The following ZNF425 variants were observed in gnomAD, a reference collection of about 807,000 sequenced individuals.
The protein encoded by ZNF425 is zinc finger protein 425.
In ZNF425, 21 loss-of-function variants were observed where a neutral mutation model predicts 17.0. That is an observed-to-expected ratio of 1.23 (90% CI 0.88 to 1.78). The LOEUF is 1.78. ZNF425 is among the 40% of genes most tolerant of loss of function. The pLI is 0.00. For synonymous variants in ZNF425, 433 were observed against 384.1 expected (o/e 1.13, Z -1.49); for missense variants, 868 against 967.3 (o/e 0.90, Z 1.36).
chr7:149,103,554 C>G lies in ZNF425; in HGVS notation c.*58G>C. 1 of 1,521,366 alleles carries G rather than the reference C, an allele frequency of 6.6e-7. No individual in the cohort carries two copies. Among genetic ancestry groups the G allele is most frequent in the Non-Finnish European group, 8.8e-7 (1 of 1,140,058 alleles). 94.2% of individuals were successfully genotyped at this position (1,521,366 alleles called of 1,614,324 possible). ...ATCCTTCAACCTGCCTCAACTTGAG[C>G]CAACAGAGCTGCTGGCACCTCCTGA... On this transcript the variant is annotated 3_prime_UTR_variant, in exon 4 of 4. Transcript: ENST00000378061.
At chr7:149,122,591 C>T (rs77163786) in intron 1 of ZNF425, among the ~76,000 whole-genome samples, 1 of 152,148 alleles carries the variant, frequency 6.6e-6, no homozygotes, top group Non-Finnish European at 1.5e-5. Flanking sequence ...TGGTGGTACA[C>T]CACCAGGGAC....
At chr7:149,112,915 T>C (rs1826197798) in intron 2 of ZNF425, among the ~76,000 whole-genome samples, 1 of 151,494 alleles carries the variant, frequency 6.6e-6, no homozygotes, top group South Asian at 2.1e-4. Context: ...TCTGCCTGCG[T>C]CGGCCTCCCA....
chr7:149,126,184 G>A lies in ZNF425; in HGVS notation c.18+12C>T, dbSNP rs1037092513. The A allele has an allele frequency of 2.5e-6, 4 of 1,613,220 alleles. No individual in the cohort carries two copies. Among genetic ancestry groups the A allele is most frequent in the Admixed American group, 1.7e-5 (1 of 59,964 alleles). The stretch of plus-strand genomic sequence containing the variant: ...TTCGACAGAGCCTGCATCCTCCACC[G>A]GCCCTTCTTACCGAAGCCGGCTCGG... On this transcript the variant is annotated intron_variant, in intron 1 of 3. Transcript: ENST00000378061.
chr7:149,104,593 CTT>C lies in ZNF425; in HGVS notation c.1276_1277del (p.Lys426GlufsTer160), dbSNP rs1372834988. 7.4e-6 allele frequency: 12 copies of C among 1,614,028 alleles called. No individual in the cohort carries two copies. Among genetic ancestry groups the C allele is most frequent in the African/African-American group, 1.3e-5 (1 of 74,940 alleles). ...CPECNKSFRL[K>X]RSLKAHGLQH... ...GCAGCCCGTGGGCTTTCAGGCTTCTCTTGAGGCGGAAACTTTTGTTACACTCG... is the reference window on the plus strand; with the variant it reads ...GCAGCCCGTGGGCTTTCAGGCTTCTCGAGGCGGAAACTTTTGTTACACTCG... On this transcript the variant is annotated frameshift_variant, in exon 4 of 4. Transcript: ENST00000378061. LOFTEE classifies it low-confidence loss of function (END_TRUNC). This position sits in a 1 kb window ranked among gnomAD's most constrained non-coding sequence, Gnocchi z 4.3.
intron 2 of ZNF425, 121 bp downstream of exon 2, chr7:149,118,101 A>ACATTATG: frequency 9.5e-7 from 1 of 1,048,398 alleles, no homozygotes; most frequent in Non-Finnish European, 1.4e-6. Flanking sequence ...AAGGGAGGAG[A>ACATTATG]CATTATGAAT....
chr7:149,104,395 G>C lies in ZNF425; in HGVS notation c.1476C>G (p.His492Gln). The part of the protein sequence containing the change: ...PSKLACHTRV[H>Q]DRQKEFPCGE... ...CGCAGGGAAACTCCTTCTGCCTGTC[G>C]TGGACTCTGGTGTGGCAGGCGAGCT... The change falls in exon 4 of 4, where the codon CAC (histidine) becomes CAG (glutamine). Residue 492 changes from histidine (H) to glutamine (Q), a missense_variant. This residue lies in a region of ZNF425 where 437 missense variants were observed against 444.2 expected (regional missense o/e 0.98). Coordinates refer to ENST00000378061, the MANE Select transcript of ZNF425 (RefSeq NM_001001661.3). This position sits in a 1 kb window ranked among gnomAD's most constrained non-coding sequence, Gnocchi z 4.3. 3 of 1,607,424 alleles carry C rather than the reference G, an allele frequency of 1.9e-6. No homozygotes were observed. The highest frequency in any genetic ancestry group is 2.5e-6 in the Non-Finnish European group (3 of 1,176,832).
intron 2 of ZNF425, among the ~76,000 whole-genome samples, chr7:149,117,558 C>T (rs933161907): frequency 1.4e-5 from 2 of 142,338 alleles, no homozygotes; most frequent in Admixed American, 7.2e-5. Context: ...GCAGGCAACA[C>T]AATAAGGAGG....
Position 149,104,273 on chromosome 7 carries a change from C to A in ZNF425, c.1598G>T (p.Arg533Leu), listed in dbSNP as rs775897351. ...GAGATGCGCGCGTCGGCGGAAACTG[C>A]GGCCGCACTCGGCGCAGGAGAACGG... Reference protein sequence around the residue: ...EKPFSCAECGRSFRRRAHLTE... With the variant: ...EKPFSCAECGLSFRRRAHLTE... Residue 533 changes from arginine to leucine, a missense_variant, in exon 4 of 4, where the codon CGC becomes CTC. Coordinates refer to ENST00000378061, the MANE Select transcript of ZNF425 (RefSeq NM_001001661.3). This position sits in a 1 kb window ranked among gnomAD's most constrained non-coding sequence, Gnocchi z 4.3. 1 of 1,613,528 alleles carries A rather than the reference C, an allele frequency of 6.2e-7. No homozygotes were observed. The highest frequency in any genetic ancestry group is 8.5e-7 in the Non-Finnish European group (1 of 1,179,860).
intron 3 of ZNF425, among the ~76,000 whole-genome samples, chr7:149,107,343 TTA>T (rs1826097211): frequency 2.8e-5 from 4 of 145,006 alleles, no homozygotes; most frequent in African/African-American, 7.7e-5. Context: ...ATTTATTTAT[TTA>T]TTTTTTTTCT....
At chr7:149,107,454 C>T (rs1826100389) in intron 3 of ZNF425, among the ~76,000 whole-genome samples, 1 of 151,836 alleles carries the variant, frequency 6.6e-6, no homozygotes, top group South Asian at 2.1e-4. Context: ...TCTCCTGCCT[C>T]AGCCTCCTGA....
chr7:149,118,147 C>T lies in ZNF425; in HGVS notation c.145+75G>A, dbSNP rs181167976. On this transcript the variant is annotated intron_variant, in intron 2 of 3. Transcript: ENST00000378061. Reference sequence around the variant, plus strand: ...CACAGTATCATATTCAACCAGCCCACGGCTCATACAGGGAAGGAAGCCTGG... The same window carrying T: ...CACAGTATCATATTCAACCAGCCCATGGCTCATACAGGGAAGGAAGCCTGG... The T allele has an allele frequency of 1.5e-5, 23 of 1,560,232 alleles. 1 individual carries two copies. Among genetic ancestry groups the T allele is most frequent in the Admixed American group, 1.7e-5 (1 of 58,868 alleles).
At chr7:149,120,921 T>C (rs965581028) in intron 1 of ZNF425, among the ~76,000 whole-genome samples, 6 of 152,160 alleles carry the variant, frequency 3.9e-5, no homozygotes, top group Non-Finnish European at 5.9e-5. Context: ...AAAAGAGCTG[T>C]TATGGACAAT....
At chr7:149,121,569 T>C (rs976564101) in intron 1 of ZNF425, among the ~76,000 whole-genome samples, 2 of 152,118 alleles carry the variant, frequency 1.3e-5, no homozygotes, top group Admixed American at 1.3e-4. Flanking sequence ...TTTTTGTATT[T>C]TTAGTAGAAA....
chr7:149,109,130 T>G (rs534231970), intron 3 of ZNF425, among the ~76,000 whole-genome samples: 1 of 149,806 alleles, frequency 6.7e-6, no homozygotes, highest in Non-Finnish European at 1.5e-5. Context: ...CAGGCTGGAG[T>G]GCAGTGGCGC....
intron 1 of ZNF425, 73 bp downstream of exon 1, chr7:149,126,123 C>T (rs770055764): frequency 4.4e-6 from 7 of 1,607,470 alleles, no homozygotes; most frequent in Non-Finnish European, 2.5e-6. Context: ...ACTCCCTGGA[C>T]GCGGACCCCA....
chr7:149,103,269 T>G lies in ZNF425; in HGVS notation c.*343A>C. 8.8e-6 allele frequency: 2 copies of G among 226,570 alleles called. No individual in the cohort carries two copies. Among genetic ancestry groups the G allele is most frequent in the Non-Finnish European group, 1.7e-5 (2 of 115,882 alleles). 14.0% of individuals were successfully genotyped at this position (226,570 alleles called of 1,614,324 possible). A position where few individuals can be genotyped will look rare whatever the true frequency, so the allele number is the denominator to read the frequency against. ...TCTTGCTCTGTCACCCAGGCTGGAG[T>G]GCAGTGGTGTGAGCATGGCTCACTG... On this transcript the variant is annotated 3_prime_UTR_variant, in exon 4 of 4. Transcript: ENST00000378061.
chr7:149,110,519 C>T (rs1161942316), intron 3 of ZNF425, among the ~76,000 whole-genome samples: 2 of 149,050 alleles, frequency 1.3e-5, no homozygotes, highest in African/African-American at 2.5e-5. Context: ...TGAGCCCACA[C>T]GGTGCCACTG....
At position 149,122,074 on chromosome 7, in the gene ZNF425, G is replaced by A. The variant is rs1011162484; in HGVS notation, c.19-3726C>T. On this transcript the variant is annotated intron_variant, in intron 1 of 3. Coordinates refer to ENST00000378061, the MANE Select transcript of ZNF425 (RefSeq NM_001001661.3). Reference sequence around the variant, plus strand: ...GGGACTACAGGCACCCGTCACCACCGCCGGCTTTTTTTTTTTTTTTTTGTA... The same window carrying A: ...GGGACTACAGGCACCCGTCACCACCACCGGCTTTTTTTTTTTTTTTTTGTA... Among the ~76,000 whole-genome samples, 15 of 146,412 alleles carry A rather than the reference G, an allele frequency of 1.0e-4. No homozygotes were observed. The East Asian group carries it at 2.8e-3, about 27-fold the overall frequency.
intron 3 of ZNF425, among the ~76,000 whole-genome samples, chr7:149,111,597 A>T: frequency 7.9e-6 from 1 of 126,426 alleles, no homozygotes; most frequent in African/African-American, 4.2e-5. Context: ...GTCTAAAAAA[A>T]AAAAAAAAAA....
Sources: allele counts gnomAD v4.1 joint callset (sites outside exome capture counted in the v4.1 genomes callset), GRCh38; gene constraint gnomAD v4.1.1; regional missense constraint gnomAD v4.1.1; non-coding constraint Gnocchi (gnomAD v3.1); transcripts MANE v1.5; gene names NCBI Gene and HGNC (gene_info 2026-07-23, HGNC 2026-07-21).